UFM1: variants seen among roughly 807,000 people sequenced by gnomAD.
The protein encoded by UFM1 is ubiquitin fold modifier 1.
UFM1 carries 9 observed loss-of-function variants against 15.4 expected under a neutral mutation model. The ratio of observed to expected loss-of-function variants is 0.59; its 90% CI spans 0.35 to 1.02. The LOEUF (loss-of-function observed/expected upper bound fraction) is 1.02. Ranked by LOEUF, UFM1 falls within the 50% of genes least tolerant of loss-of-function variation. The pLI is 0.02. For synonymous variants in UFM1, 27 were observed against 36.3 expected, an observed-to-expected ratio of 0.74 and a Z score of 0.92; for missense variants, 98 against 104.7, an observed-to-expected ratio of 0.94 and a Z score of 0.28.
At chr13:38,358,244 A>T (rs1801986939) in intron 4 of UFM1, 112 bp downstream of exon 4, 1 of 529,460 alleles carries the variant, frequency 1.9e-6, no homozygotes, top group African/African-American at 2.0e-5. Flanking sequence ...GTATATCAAC[A>T]TAAATGATAT....
chr13:38,352,344 A>C (rs1423330390), intron 2 of UFM1, among the ~76,000 whole-genome samples: 2 of 151,830 alleles, frequency 1.3e-5, no homozygotes, highest in African/African-American at 2.4e-5. Context: ...TGATCTGCCC[A>C]CCTCGGCCTC....
At chr13:38,349,943 G>C (rs771780280) in intron 1 of UFM1, 22 bp downstream of exon 1, 22 of 1,614,022 alleles carry the variant, frequency 1.4e-5, no homozygotes, top group Non-Finnish European at 1.7e-5. Context: ...CTTACCGACT[G>C]CCATAATTCC....
At chr13:38,352,284 A>G (rs1035641751) in intron 2 of UFM1, among the ~76,000 whole-genome samples, 20 of 151,742 alleles carry the variant, frequency 1.3e-4, no homozygotes, top group Admixed American at 7.2e-4. Flanking sequence ...TTTTTAGTAG[A>G]GACGGGGTGT....
chr13:38,359,098 C>A (rs1367281168), intron 4 of UFM1, among the ~76,000 whole-genome samples: 1 of 151,954 alleles, frequency 6.6e-6, no homozygotes, highest in Non-Finnish European at 1.5e-5. Flanking sequence ...TTGTCTAACC[C>A]AGCAATGTGT....
Position 38,360,893 on chromosome 13 carries a change from T to A in UFM1, c.*115T>A. 1 of 796,062 alleles carries A rather than the reference T, an allele frequency of 1.3e-6. No homozygotes were observed. The highest frequency in any genetic ancestry group is 2.1e-6 in the Non-Finnish European group (1 of 484,340). The allele number at this position is 796,062 out of a possible 1,614,324, so 49.3% of individuals were successfully genotyped here. On this transcript the variant is annotated 3_prime_UTR_variant, in exon 6 of 6. Transcript: ENST00000239878. Reference sequence around the variant, plus strand: ...TATGAAAACACCAGGAGTCAATGATTAATGAAAGGTGACTCATCTGTCCCT... The same window carrying A: ...TATGAAAACACCAGGAGTCAATGATAAATGAAAGGTGACTCATCTGTCCCT...
intron 4 of UFM1, among the ~76,000 whole-genome samples, chr13:38,358,959 G>A (rs903257029): frequency 2.0e-5 from 3 of 151,998 alleles, no homozygotes; most frequent in South Asian, 2.1e-4. Context: ...ATGATTCATG[G>A]CATACCTAAG....
rs201350733 is a variant in UFM1, at chr13:38,354,061, GTTATTA to G, written c.60-163_60-158del. On this transcript the variant is annotated intron_variant, in intron 2 of 5. Transcript: ENST00000239878. ...TCTAAGGCTATTTGCTGTTTGGGTT[GTTATTA>G]TTATTATTATTATTTTGAGTTAAAG... Among the ~76,000 whole-genome samples the G allele has an allele frequency of 5.9e-5, 9 of 151,814 alleles. No homozygotes were observed. In the South Asian group the frequency reaches 6.3e-4, roughly 11 times the overall value.
intron 2 of UFM1, among the ~76,000 whole-genome samples, chr13:38,351,175 C>T (rs1373145755): frequency 6.6e-6 from 1 of 152,146 alleles, no homozygotes; most frequent in East Asian, 1.9e-4. Flanking sequence ...TGCAAACACC[C>T]TCAACTCTGG....
At chr13:38,352,352 C>T (rs1289904840) in intron 2 of UFM1, among the ~76,000 whole-genome samples, 1 of 152,100 alleles carries the variant, frequency 6.6e-6, no homozygotes, top group Non-Finnish European at 1.5e-5. Context: ...CCACCTCGGC[C>T]TCCCAAAGTT....
At chr13:38,353,049 A>G (rs1331431984) in intron 2 of UFM1, among the ~76,000 whole-genome samples, 2 of 152,142 alleles carry the variant, frequency 1.3e-5, no homozygotes, top group Non-Finnish European at 2.9e-5. Flanking sequence ...TCCACCCCCC[A>G]AAAACATTAG....
At chr13:38,350,346 G>C (rs1878779810) in intron 2 of UFM1, 1 of 1,050,662 alleles carries the variant, frequency 9.5e-7, no homozygotes, top group Non-Finnish European at 1.4e-6. Flanking sequence ...GGCGCGGGAG[G>C]ACAGGTGGAC....
At chr13:38,360,161 AC>A in intron 5 of UFM1, 1 of 282,040 alleles carries the variant, frequency 3.5e-6, no homozygotes, top group Non-Finnish European at 7.0e-6. Context: ...ATCGTGAGGC[AC>A]TTTATTGTAT....
At chr13:38,359,075 T>C (rs888907862) in intron 4 of UFM1, among the ~76,000 whole-genome samples, 1 of 152,072 alleles carries the variant, frequency 6.6e-6, no homozygotes, top group African/African-American at 2.4e-5. Flanking sequence ...GATCATTGCA[T>C]TGACAGACGT....
chr13:38,360,868 T>C lies in UFM1; in HGVS notation c.*90T>C. On this transcript the variant is annotated 3_prime_UTR_variant, in exon 6 of 6. Coordinates refer to ENST00000239878, the MANE Select transcript of UFM1 (RefSeq NM_016617.4). The stretch of plus-strand genomic sequence containing the variant: ...AATTGAAATCAGGCATTTAACATAC[T>C]ATGAAAACACCAGGAGTCAATGATT... 5.7e-6 allele frequency: 6 copies of C among 1,046,458 alleles called. No individual in the cohort carries two copies. Among genetic ancestry groups the C allele is most frequent in the Non-Finnish European group, 8.8e-6 (6 of 681,254 alleles). 64.8% of individuals were successfully genotyped at this position (1,046,458 alleles called of 1,614,324 possible).
At chr13:38,360,627 CA>C in intron 5 of UFM1, 83 bp from the exon 6 acceptor site, 1 of 1,066,320 alleles carries the variant, frequency 9.4e-7, no homozygotes, top group Admixed American at 2.3e-5. Context: ...TTTACTAAAT[CA>C]TTTATTATAT....
At chr13:38,359,252 C>G (rs373985226) in intron 4 of UFM1, 49 bp from the exon 5 acceptor site, 2 of 1,579,104 alleles carry the variant, frequency 1.3e-6, no homozygotes, top group Non-Finnish European at 1.7e-6. Flanking sequence ...ACTATTTAAC[C>G]ATTTTAGCTT....
At position 38,350,035 on chromosome 13, in the gene UFM1, C is replaced by G. The variant is rs1878748983; in HGVS notation, c.39C>G (p.Asp13Glu). 6.2e-7 allele frequency: 1 copy of G among 1,614,250 alleles called. No homozygotes were observed. Among genetic ancestry groups the G allele is most frequent in the Non-Finnish European group, 8.5e-7 (1 of 1,180,042 alleles). The part of the protein sequence containing the change: ...KVSFKITLTS[D>E]PRLPYKVLSV... ...CCTTTAAGATCACGCTGACGTCGGACCCACGGCTGCCGTACAAAGTGTGAG... is the reference window on the plus strand; with the variant it reads ...CCTTTAAGATCACGCTGACGTCGGAGCCACGGCTGCCGTACAAAGTGTGAG... Residue 13 changes from aspartate (D) to glutamate (E), a missense_variant, in exon 2 of 6, where the codon GAC (aspartate) becomes GAG (glutamate). Physicochemically the swap from Asp to Glu is conservative, Grantham distance 45 (BLOSUM62 2). Transcript: ENST00000239878.
intron 5 of UFM1, chr13:38,360,134 A>T (rs1879304063): frequency 3.2e-6 from 1 of 311,004 alleles, no homozygotes; most frequent in Middle Eastern, 1.0e-3. Context: ...TAATTTTATT[A>T]AAAAGGTTTA....
In UFM1 at chr13:38,353,190, A is replaced by G. The variant is rs549430242; in HGVS notation, c.60-1049A>G. 2.9e-4 allele frequency among the ~76,000 whole-genome samples: 44 copies of G among 152,278 alleles called. No homozygotes were observed. In the South Asian group the frequency reaches 7.0e-3, roughly 24 times the overall value. ...TGGTACCATATGCTGTTCCTGTTAT[A>G]ATGATTCTTATAGTCAGAGATCTGT... On this transcript the variant is annotated intron_variant, in intron 2 of 5. Transcript: ENST00000239878.
Sources: gnomAD v4.1 joint callset for allele counts (sites outside exome capture counted in the v4.1 genomes callset) on GRCh38, gnomAD v4.1.1 for gene constraint, MANE v1.5 for transcripts, NCBI Gene and HGNC (gene_info 2026-07-23, HGNC 2026-07-21) for gene names.